The following CHCHD6 variants were observed in gnomAD, a reference collection of about 807,000 sequenced individuals.
CHCHD6 encodes MICOS complex subunit MIC25.
A neutral mutation model predicts 32.3 loss-of-function variants in CHCHD6; 28 were observed. The ratio of observed to expected loss-of-function variants is 0.87; its 90% CI spans 0.64 to 1.19. CHCHD6 has a LOEUF of 1.19. Among genes scored for constraint, CHCHD6 ranks in the 50% most tolerant of loss-of-function variants. The pLI is 0.00. For missense variants in CHCHD6, 333 were observed against 307.0 expected, an observed-to-expected ratio of 1.08 and a Z score of -0.63; for synonymous variants, 122 against 117.5, an observed-to-expected ratio of 1.04 and a Z score of -0.25.
At chr3:126,712,653 A>T (rs539585231) in intron 1 of CHCHD6, among the ~76,000 whole-genome samples, 7 of 151,936 alleles carry the variant, frequency 4.6e-5, no homozygotes, top group African/African-American at 2.4e-5. Flanking sequence ...AGCATCAACC[A>T]CCGTCTCTGC....
intron 4 of CHCHD6, among the ~76,000 whole-genome samples, chr3:126,791,228 C>A (rs1938523443): frequency 6.6e-6 from 1 of 152,230 alleles, no homozygotes; most frequent in African/African-American, 2.4e-5. Context: ...TGTCAGTCTG[C>A]CCCTATTGGG....
At chr3:126,946,399 A>T (rs2078639394) in intron 6 of CHCHD6, among the ~76,000 whole-genome samples, 1 of 152,220 alleles carries the variant, frequency 6.6e-6, no homozygotes, top group African/African-American at 2.4e-5. Context: ...GTGAGAGAGA[A>T]GGGATAGTCC....
intron 4 of CHCHD6, among the ~76,000 whole-genome samples, chr3:126,788,008 C>T (rs1938310670): frequency 6.6e-6 from 1 of 152,012 alleles, no homozygotes; most frequent in African/African-American, 2.4e-5. Flanking sequence ...CCATCAATAC[C>T]TAATTTATTG....
At chr3:126,760,471 CTG>C (rs1937119363) in intron 4 of CHCHD6, among the ~76,000 whole-genome samples, 1 of 152,196 alleles carries the variant, frequency 6.6e-6, no homozygotes, top group East Asian at 1.9e-4. Context: ...CAAACTGAAA[CTG>C]TACCCATCAA....
intron 4 of CHCHD6, among the ~76,000 whole-genome samples, chr3:126,850,738 C>T (rs184935754): frequency 2.0e-5 from 3 of 152,288 alleles, no homozygotes; most frequent in Admixed American, 6.5e-5. Context: ...CTTTTACTGG[C>T]TGTTTAATTG....
intron 6 of CHCHD6, among the ~76,000 whole-genome samples, chr3:126,926,917 C>T (rs960135968): frequency 3.3e-5 from 5 of 152,142 alleles, no homozygotes; most frequent in East Asian, 1.9e-4. Context: ...TCTGGGAATA[C>T]GGTTGTGAAC....
chr3:126,852,583 C>T, intron 4 of CHCHD6, 64 bp from the exon 5 acceptor site: 3 of 1,210,418 alleles, frequency 2.5e-6, no homozygotes, highest in Non-Finnish European at 3.7e-6. Flanking sequence ...GTCGCCTTCT[C>T]CCTGCAGCAC....
At chr3:126,894,809 G>A (rs770565384) in intron 5 of CHCHD6, among the ~76,000 whole-genome samples, 5 of 152,234 alleles carry the variant, frequency 3.3e-5, no homozygotes, top group Admixed American at 6.5e-5. Flanking sequence ...CAGCATGTGC[G>A]ACAGCAGGAG....
At chr3:126,863,382 T>C (rs868260660) in intron 5 of CHCHD6, among the ~76,000 whole-genome samples, 955 of 13,748 alleles carry the variant, frequency 0.069, no homozygotes, top group East Asian at 0.083. Flanking sequence ...CCTCCTCCTC[T>C]ACCATCACCA....
intron 6 of CHCHD6, among the ~76,000 whole-genome samples, chr3:126,947,861 G>T (rs1236045764): frequency 1.3e-5 from 2 of 152,166 alleles, no homozygotes; most frequent in Admixed American, 1.3e-4. Context: ...ATAAGCTACG[G>T]CTCCTCCCCT....
chr3:126,954,717 G>C lies in CHCHD6; in HGVS notation c.567-2699G>C, dbSNP rs149914732. ...CCCCATGAGGGCAGGGTGGGGTCCT[G>C]CTTCAGGGGAGTGCAGCAGAGGCTA... On this transcript the variant is annotated intron_variant, in intron 6 of 7. Coordinates refer to ENST00000290913, the MANE Select transcript of CHCHD6 (RefSeq NM_032343.3). Among the ~76,000 whole-genome samples, 184 of 151,948 alleles carry C rather than the reference G, an allele frequency of 1.2e-3. 1 individual carries two copies. The highest frequency in any genetic ancestry group is 4.2e-3 in the African/African-American group (172 of 41,214).
chr3:126,763,071 A>G (rs1377503696), intron 4 of CHCHD6, among the ~76,000 whole-genome samples: 2 of 152,046 alleles, frequency 1.3e-5, no homozygotes, highest in African/African-American at 4.8e-5. Flanking sequence ...TGCTATTTGT[A>G]TAGCTTTTAT....
chr3:126,722,606 A>T (rs1399868197), intron 1 of CHCHD6, among the ~76,000 whole-genome samples: 2 of 152,176 alleles, frequency 1.3e-5, no homozygotes, highest in Admixed American at 6.5e-5. Context: ...TCTTCTTTGG[A>T]AAAATTTCTA....
rs1012704101 is a variant in CHCHD6, at chr3:126,960,340, T to G, written c.*139T>G. 1.0e-6 allele frequency: 1 copy of G among 977,262 alleles called. No individual in the cohort carries two copies. Among genetic ancestry groups the G allele is most frequent in the Non-Finnish European group, 1.6e-6 (1 of 639,908 alleles). The allele number at this position is 977,262 out of a possible 1,614,324, so 60.5% of individuals were successfully genotyped here. A position where few individuals can be genotyped will look rare whatever the true frequency, so the allele number is the denominator to read the frequency against. ...CCTGAGCCTGGGGCTGCCACGTGTTTAGGAAACAAAGTATGCGCTACTGTC... is the reference window on the plus strand; with the variant it reads ...CCTGAGCCTGGGGCTGCCACGTGTTGAGGAAACAAAGTATGCGCTACTGTC... On this transcript the variant is annotated 3_prime_UTR_variant, in exon 8 of 8. Coordinates refer to ENST00000290913, the MANE Select transcript of CHCHD6 (RefSeq NM_032343.3).
At chr3:126,946,222 T>C (rs1405690899) in intron 6 of CHCHD6, among the ~76,000 whole-genome samples, 1 of 152,166 alleles carries the variant, frequency 6.6e-6, no homozygotes, top group Non-Finnish European at 1.5e-5. Flanking sequence ...AAGGCCACCA[T>C]GGCCCTGCCC....
At chr3:126,892,073 A>G (rs2077769178) in intron 5 of CHCHD6, among the ~76,000 whole-genome samples, 1 of 152,140 alleles carries the variant, frequency 6.6e-6, no homozygotes, top group East Asian at 1.9e-4. Context: ...TTCATGTTGC[A>G]TGTTTTTTCT....
intron 5 of CHCHD6, among the ~76,000 whole-genome samples, chr3:126,900,343 C>T (rs2107582560): frequency 6.6e-6 from 1 of 152,284 alleles, no homozygotes; most frequent in East Asian, 1.9e-4. Flanking sequence ...AAAGGAGATA[C>T]TGTTTGTAAG....
intron 4 of CHCHD6, among the ~76,000 whole-genome samples, chr3:126,823,747 T>C (rs1940253405): frequency 1.3e-5 from 2 of 152,180 alleles, no homozygotes; most frequent in Admixed American, 6.5e-5. Flanking sequence ...CAGTTTTGAA[T>C]AGAAGTTATT....
chr3:126,919,317 C>CTTTTTTTTT (rs756862821), intron 6 of CHCHD6, among the ~76,000 whole-genome samples: 3 of 68,126 alleles, frequency 4.4e-5, no homozygotes, highest in Non-Finnish European at 1.0e-4. Context: ...TTTCTTTTTT[C>CTTTTTTTTT]TTTTTTTTTT....
Sources: gnomAD v4.1 joint callset for allele counts (sites outside exome capture counted in the v4.1 genomes callset) on GRCh38, gnomAD v4.1.1 for gene constraint, MANE v1.5 for transcripts, NCBI Gene and HGNC (gene_info 2026-07-23, HGNC 2026-07-21) for gene names.